Variants in CTTN observed in about 807,000 individuals in gnomAD.
CTTN encodes the protein cortactin.
Under a neutral mutation model 84.0 loss-of-function variants are expected in CTTN, and 28 were observed. The ratio of observed to expected loss-of-function variants is 0.33; its 90% CI spans 0.25 to 0.46. The LOEUF is 0.46. CTTN is among the 20% of genes least tolerant of loss of function. The pLI, the probability that CTTN is intolerant of heterozygous loss-of-function variation, is 1.00. For missense variants in CTTN, 641 were observed against 723.8 expected, an observed-to-expected ratio of 0.89 and a Z score of 1.31; for synonymous variants, 301 against 288.8, an observed-to-expected ratio of 1.04 and a Z score of -0.43.
At position 70,414,592 on chromosome 11, in the gene CTTN, G is replaced by C. The variant is rs1341648317; in HGVS notation, c.342G>C (p.Gln114His). The change falls in exon 6 of 18, where the codon CAG becomes CAC. Residue 114 changes from glutamine (Q) to histidine (H), a missense_variant. By Grantham distance (24) the Gln-to-His change is conservative. Coordinates refer to ENST00000301843, the MANE Select transcript of CTTN (RefSeq NM_005231.4). ...CGAAACTTTCCAAGCACTGCTCGCA[G>C]GTGGACTCGGTCCGTGGCTTCGGAG... ...YQSKLSKHCS[Q>H]VDSVRGFGGK... is the part of the protein sequence containing the mutation. 2.5e-6 allele frequency: 4 copies of C among 1,614,118 alleles called. No homozygotes were observed. The highest frequency in any genetic ancestry group is 3.4e-6 in the Non-Finnish European group (4 of 1,180,042).
chr11:70,411,907 C>G lies in CTTN; in HGVS notation c.291+1947C>G, dbSNP rs534765170. On this transcript the variant is annotated intron_variant, in intron 5 of 17. Transcript: ENST00000301843. Reference sequence around the variant, plus strand: ...TTTTCAAGGGTCGGGACTTGTCATCCTCACCTTGTGCCTGGCTCAGTGCCA... The same window carrying G: ...TTTTCAAGGGTCGGGACTTGTCATCGTCACCTTGTGCCTGGCTCAGTGCCA... 7.9e-5 allele frequency among the ~76,000 whole-genome samples: 12 copies of G among 152,288 alleles called. No individual in the cohort carries two copies. The East Asian group carries it at 2.3e-3, about 29-fold the overall frequency.
At chr11:70,413,560 T>TA (rs2058119604) in intron 5 of CTTN, among the ~76,000 whole-genome samples, 1 of 152,130 alleles carries the variant, frequency 6.6e-6, no homozygotes, top group Non-Finnish European at 1.5e-5. Flanking sequence ...CCAGAGGCGT[T>TA]ATTTACAGAA....
chr11:70,406,005 C>T (rs902822312), intron 2 of CTTN, among the ~76,000 whole-genome samples: 4 of 152,194 alleles, frequency 2.6e-5, no homozygotes, highest in Admixed American at 1.3e-4. Context: ...TATAAATGGG[C>T]GCGTTGGGAC....
chr11:70,422,971 G>T lies in CTTN; in HGVS notation c.933G>T (p.Gly311=), dbSNP rs1049666075. 5.6e-6 allele frequency: 9 copies of T among 1,613,856 alleles called. No homozygotes were observed. In the Admixed American group the frequency reaches 1.2e-4, roughly 21 times the overall value. Residue 311 remains glycine (G), a synonymous_variant, in exon 12 of 18, where the codon GGG becomes GGT. Transcript: ENST00000301843. ...DYSKGFGGKY[G]VQKDRMDKNA... is the part of the protein sequence containing the mutation. ...CCAAAGGATTCGGCGGGAAGTATGGGGTGCAGAAGGATCGGATGGATAAGG... is the reference window on the plus strand; with the variant it reads ...CCAAAGGATTCGGCGGGAAGTATGGTGTGCAGAAGGATCGGATGGATAAGG...
Position 70,435,101 on chromosome 11 carries a change from G to A in CTTN, c.1592G>A (p.Arg531His), listed in dbSNP as rs1355868921. 4.3e-6 allele frequency: 7 copies of A among 1,613,812 alleles called. No homozygotes were observed. The highest frequency in any genetic ancestry group is 1.1e-5 in the South Asian group (1 of 91,094). ...GAGATGATTGACGACGGCTGGTGGC[G>A]CGGGGTGTGCAAGGGCCGGTACGGG... ...NIEMIDDGWW[R>H]GVCKGRYGLF... Residue 531 changes from arginine to histidine, a missense_variant, in exon 18 of 18, where the codon CGC becomes CAC. Arg to His is a conservative substitution (Grantham distance 29). This residue lies in a region of CTTN where 68 missense variants were observed against 102.2 expected (regional missense o/e 0.67). Transcript: ENST00000301843.
intron 12 of CTTN, among the ~76,000 whole-genome samples, chr11:70,424,921 C>G (rs981577301): frequency 5.3e-5 from 8 of 152,134 alleles, no homozygotes; most frequent in Non-Finnish European, 7.4e-5. Flanking sequence ...GTTGAGTCCC[C>G]TGCAATGCAG....
chr11:70,433,346 G>A, intron 16 of CTTN, 68 bp downstream of exon 16: 2 of 1,476,238 alleles, frequency 1.4e-6, no homozygotes, highest in African/African-American at 1.4e-5. Flanking sequence ...TGCTCGACCT[G>A]TGGCGTCGTT....
chr11:70,415,373 C>T (rs936375194), intron 6 of CTTN, among the ~76,000 whole-genome samples: 1 of 152,106 alleles, frequency 6.6e-6, no homozygotes, highest in Non-Finnish European at 1.5e-5. Context: ...TTTTGTGAAG[C>T]CCGTGGAATG....
intron 15 of CTTN, 74 bp downstream of exon 15, chr11:70,431,354 G>A: frequency 6.7e-7 from 1 of 1,490,412 alleles, no homozygotes; most frequent in Non-Finnish European, 9.4e-7. Flanking sequence ...TGGAGTGGAG[G>A]AAGCCCTTGC....
intron 1 of CTTN, among the ~76,000 whole-genome samples, chr11:70,400,938 T>C (rs2057971397): frequency 6.6e-6 from 1 of 152,208 alleles, no homozygotes; most frequent in African/African-American, 2.4e-5. Context: ...TGATGGTGAT[T>C]TTGGCTACGC....
intron 7 of CTTN, 77 bp downstream of exon 7, chr11:70,415,794 C>T: frequency 1.4e-6 from 2 of 1,440,474 alleles, no homozygotes; most frequent in African/African-American, 1.4e-5. Context: ...GAAGCCGTTT[C>T]CCCGCGCTCC....
chr11:70,425,379 G>C lies in CTTN; in HGVS notation c.1005G>C (p.Gln335His). The C allele has an allele frequency of 6.2e-7, 1 of 1,612,498 alleles. No individual in the cohort carries two copies. The highest frequency in any genetic ancestry group is 8.5e-7 in the Non-Finnish European group (1 of 1,179,336). ...TCACCCAGGTGTCCTCTGCCTACCA[G>C]AAGACAGTACCTGTCGAAGCTGGTG... ...EDVTQVSSAY[Q>H]KTVPVEAVTS... Residue 335 changes from glutamine (Q) to histidine (H), a missense_variant, in exon 13 of 18, where the codon CAG (glutamine) becomes CAC (histidine). Gln to His is a conservative substitution (Grantham distance 24). This residue lies in a region of CTTN where 289 missense variants were observed against 273.1 expected (regional missense o/e 1.06). Transcript: ENST00000301843.
Position 70,436,470 on chromosome 11 carries a change from G to A in CTTN, c.*1308G>A. 1 of 1,487,974 alleles carries A rather than the reference G, an allele frequency of 6.7e-7. No homozygotes were observed. The highest frequency in any genetic ancestry group is 9.2e-7 in the Non-Finnish European group (1 of 1,085,170). The allele number at this position is 1,487,974 out of a possible 1,614,324, so 92.2% of individuals were successfully genotyped here. A position where few individuals can be genotyped will look rare whatever the true frequency, so the allele number is the denominator to read the frequency against. Reference sequence around the variant, plus strand: ...TCCTTGCTTTACCACAATGAGCAATGAGGTCGGGTTTTATATGCAACTTAT... The same window carrying A: ...TCCTTGCTTTACCACAATGAGCAATAAGGTCGGGTTTTATATGCAACTTAT... On this transcript the variant is annotated 3_prime_UTR_variant, in exon 18 of 18. Transcript: ENST00000301843.
At chr11:70,426,822 G>C (rs529283485) in intron 13 of CTTN, among the ~76,000 whole-genome samples, 1 of 151,610 alleles carries the variant, frequency 6.6e-6, no homozygotes, top group Non-Finnish European at 1.5e-5. Flanking sequence ...GGATGGTCTC[G>C]ATCTCCTGAC....
chr11:70,420,117 G>A, intron 9 of CTTN: 3 of 597,918 alleles, frequency 5.0e-6, no homozygotes, highest in Non-Finnish European at 8.9e-6. Flanking sequence ...TTGCCCGTGT[G>A]AGCCTGTGCT....
chr11:70,421,414 C>A, intron 10 of CTTN, 56 bp from the exon 11 acceptor site: 2 of 1,279,636 alleles, frequency 1.6e-6, no homozygotes, highest in Non-Finnish European at 1.1e-6. Flanking sequence ...GCAATTCTAA[C>A]CCAACTGTGT....
chr11:70,410,408 C>T (rs182573812), intron 5 of CTTN: 2 of 172,360 alleles, frequency 1.2e-5, no homozygotes, highest in Non-Finnish European at 2.5e-5. Context: ...ATCCTTCATG[C>T]GTTCAGTGAC....
intron 1 of CTTN, among the ~76,000 whole-genome samples, chr11:70,400,821 CTG>C (rs2057969815): frequency 6.6e-6 from 1 of 152,234 alleles, no homozygotes; most frequent in Admixed American, 6.5e-5. Flanking sequence ...TTGGCTTTCA[CTG>C]TGGCCCAGGC....
intron 5 of CTTN, chr11:70,410,261 G>T: frequency 3.4e-6 from 1 of 292,834 alleles, no homozygotes; most frequent in Non-Finnish European, 6.6e-6. Flanking sequence ...GAAGCATCCT[G>T]GCTCTAGGTG....
Sources: gnomAD v4.1 joint callset for allele counts (sites outside exome capture counted in the v4.1 genomes callset) on GRCh38, gnomAD v4.1.1 for gene constraint, gnomAD v4.1.1 regional missense constraint, MANE v1.5 for transcripts, NCBI Gene and HGNC (gene_info 2026-07-23, HGNC 2026-07-21) for gene names.